ZKSCAN3: variants seen among roughly 807,000 people sequenced by gnomAD.
ZKSCAN3 encodes zinc finger with KRAB and SCAN domains 3.
In ZKSCAN3, 21 loss-of-function variants were observed where a neutral mutation model predicts 30.7. That is an observed-to-expected ratio of 0.68 (90% CI 0.49 to 0.99). ZKSCAN3 has a LOEUF of 0.99. Ranked by LOEUF, ZKSCAN3 falls within the 50% of genes least tolerant of loss-of-function variation. The pLI is 0.00. For missense variants in ZKSCAN3, 507 were observed against 647.1 expected (o/e 0.78, Z 2.35); for synonymous variants, 201 against 246.7 (o/e 0.81, Z 1.73).
Position 28,366,928 on chromosome 6 carries a change from T to TG in ZKSCAN3, c.*643_*644insG, listed in dbSNP as rs994446339. 2 of 152,270 alleles carry TG rather than the reference T, an allele frequency of 1.3e-5. No individual in the cohort carries two copies. Among genetic ancestry groups the TG allele is most frequent in the Non-Finnish European group, 2.9e-5 (2 of 68,096 alleles). The allele number at this position is 152,270 out of a possible 1,614,324, so 9.4% of individuals were successfully genotyped here. On this transcript the variant is annotated 3_prime_UTR_variant, in exon 6 of 6. Coordinates refer to ENST00000252211, the MANE Select transcript of ZKSCAN3 (RefSeq NM_024493.4). ...TACTGTGATTGAAAGAATCCATTTT[T>TG]TTTTTGGAGACGTAGTCTTGCTCTG...
At chr6:28,364,560 T>C (rs1039768094) in intron 5 of ZKSCAN3, among the ~76,000 whole-genome samples, 9 of 152,208 alleles carry the variant, frequency 5.9e-5, no homozygotes, top group African/African-American at 2.2e-4. Flanking sequence ...GAAGATTGCC[T>C]GATTGTCTGA....
chr6:28,352,634 T>G (rs1022285458), intron 1 of ZKSCAN3, among the ~76,000 whole-genome samples: 1 of 152,250 alleles, frequency 6.6e-6, no homozygotes, highest in Non-Finnish European at 1.5e-5. Context: ...TGAAAGCCTT[T>G]AATGTAATTT....
At position 28,366,402 on chromosome 6, in the gene ZKSCAN3, G is replaced by T; in HGVS notation, c.*117G>T. ...CTTTATTTACCACTACACATTATCA[G>T]GTGTTAGAAAATGTAGACTGGGTTA... is the stretch of plus-strand genomic sequence containing the variant. On this transcript the variant is annotated 3_prime_UTR_variant, in exon 6 of 6. Transcript: ENST00000252211. 3 of 1,168,794 alleles carry T rather than the reference G, an allele frequency of 2.6e-6. No individual in the cohort carries two copies. The highest frequency in any genetic ancestry group is 3.5e-6 in the Non-Finnish European group (3 of 867,106). 72.4% of individuals were successfully genotyped at this position (1,168,794 alleles called of 1,614,324 possible).
chr6:28,361,495 A>G (rs369440285), intron 3 of ZKSCAN3, 24 bp downstream of exon 3: 1 of 1,581,820 alleles, frequency 6.3e-7, no homozygotes, highest in Non-Finnish European at 8.6e-7. Context: ...TCTAGACAGT[A>G]TGAATTCTGC....
At chr6:28,364,116 T>C (rs1388311055) in intron 5 of ZKSCAN3, among the ~76,000 whole-genome samples, 1 of 152,182 alleles carries the variant, frequency 6.6e-6, no homozygotes, top group African/African-American at 2.4e-5. Flanking sequence ...ACTAAAGGCA[T>C]GTACCACCAC....
rs575865828 is a variant in ZKSCAN3 at position 28,351,398 on chromosome 6, G to A, written c.-63+1331G>A. On this transcript the variant is annotated intron_variant, in intron 1 of 5. Coordinates refer to ENST00000252211, the MANE Select transcript of ZKSCAN3 (RefSeq NM_024493.4). This position sits in a 1 kb window ranked among gnomAD's most constrained non-coding sequence, Gnocchi z 4.6. ...CTGGGTTGGGCTGTGGCTCTCTCTC[G>A]CCTTCCTTGACCCTACCTTAATGCT... Among the ~76,000 whole-genome samples, 23 of 152,170 alleles carry A rather than the reference G, an allele frequency of 1.5e-4. No homozygotes were observed. Among genetic ancestry groups the A allele is most frequent in the Non-Finnish European group, 3.2e-4 (22 of 68,012 alleles).
intron 5 of ZKSCAN3, among the ~76,000 whole-genome samples, chr6:28,365,079 G>A (rs975581901): frequency 5.3e-5 from 8 of 151,774 alleles, no homozygotes; most frequent in African/African-American, 1.7e-4. Flanking sequence ...CTAATCCTAG[G>A]TGCATGGCCC....
At chr6:28,363,212 A>C (rs563107305) in intron 3 of ZKSCAN3, 91 bp from the exon 4 acceptor site, 4 of 1,131,270 alleles carry the variant, frequency 3.5e-6, no homozygotes, top group South Asian at 1.4e-5. Flanking sequence ...TGAGACAGGA[A>C]TCTATTAATC....
intron 1 of ZKSCAN3, 44 bp from the exon 2 acceptor site, chr6:28,359,481 C>G (rs370038515): frequency 3.6e-5 from 51 of 1,412,720 alleles, no homozygotes; most frequent in East Asian, 2.6e-4. Context: ...AGAGAAGGGA[C>G]TACTTGCAAG....
intron 2 of ZKSCAN3, chr6:28,360,755 G>A: frequency 1.0e-6 from 1 of 985,436 alleles, no homozygotes; most frequent in South Asian, 4.7e-5. Flanking sequence ...GTCAGTGCGA[G>A]TCTCTTAGCT....
chr6:28,358,400 T>C (rs1202352530), intron 1 of ZKSCAN3, among the ~76,000 whole-genome samples: 1 of 152,242 alleles, frequency 6.6e-6, no homozygotes, highest in Admixed American at 6.5e-5. Context: ...CCAAATACAA[T>C]GTAAATGTTT....
At chr6:28,364,176 A>G (rs747919471) in intron 5 of ZKSCAN3, among the ~76,000 whole-genome samples, 3 of 152,090 alleles carry the variant, frequency 2.0e-5, no homozygotes, top group South Asian at 4.2e-4. Flanking sequence ...GAGTTTTGCT[A>G]TGTTGCCTAG....
intron 1 of ZKSCAN3, chr6:28,354,037 G>A (rs1252868945): frequency 1.6e-5 from 7 of 438,356 alleles, no homozygotes; most frequent in South Asian, 3.3e-5. Context: ...TGCCTCCTCC[G>A]ACCGCAGCCC....
Position 28,367,615 on chromosome 6 carries a change from T to G in ZKSCAN3, c.*1330T>G, listed in dbSNP as rs2113937446. On this transcript the variant is annotated 3_prime_UTR_variant, in exon 6 of 6. Transcript: ENST00000252211. ...AACCAATGCCTCCTAAAACAATAGATACTATCCTGCCCCACCCTACCACCC... is the reference window on the plus strand; with the variant it reads ...AACCAATGCCTCCTAAAACAATAGAGACTATCCTGCCCCACCCTACCACCC... 1 of 152,268 alleles carries G rather than the reference T, an allele frequency of 6.6e-6. No individual in the cohort carries two copies. Among genetic ancestry groups the G allele is most frequent in the South Asian group, 2.1e-4 (1 of 4,826 alleles). The allele number at this position is 152,268 out of a possible 1,614,324, so 9.4% of individuals were successfully genotyped here. A position where few individuals can be genotyped will look rare whatever the true frequency, so the allele number is the denominator to read the frequency against.
At chr6:28,364,141 T>C (rs534950095) in intron 5 of ZKSCAN3, among the ~76,000 whole-genome samples, 1 of 152,218 alleles carries the variant, frequency 6.6e-6, no homozygotes, top group African/African-American at 2.4e-5. Flanking sequence ...GGCTAATTTT[T>C]TAATTTTAAT....
chr6:28,351,022 C>T lies in ZKSCAN3; in HGVS notation c.-63+955C>T, dbSNP rs192597030. Among the ~76,000 whole-genome samples, 417 of 152,294 alleles carry T rather than the reference C, an allele frequency of 2.7e-3. 4 individuals carry two copies. Among genetic ancestry groups the T allele is most frequent in the Admixed American group, 0.016 (246 of 15,302 alleles). The stretch of plus-strand genomic sequence containing the variant: ...CAGTTTTCGAGCTTCCAGGAACGCC[C>T]TAGCCTGAAACTGGCTTCATACTAA... On this transcript the variant is annotated intron_variant, in intron 1 of 5. Coordinates refer to ENST00000252211, the MANE Select transcript of ZKSCAN3 (RefSeq NM_024493.4). This position sits in a 1 kb window ranked among gnomAD's most constrained non-coding sequence, Gnocchi z 4.6.
At chr6:28,362,847 T>C (rs1416110520) in intron 3 of ZKSCAN3, among the ~76,000 whole-genome samples, 1 of 152,226 alleles carries the variant, frequency 6.6e-6, no homozygotes, top group Non-Finnish European at 1.5e-5. Flanking sequence ...CCCTAACGGC[T>C]ACTAAGGACA....
At chr6:28,355,601 T>G (rs1228085014) in intron 1 of ZKSCAN3, 1 of 152,208 alleles carries the variant, frequency 6.6e-6, no homozygotes. Flanking sequence ...GAATAGCCTG[T>G]TTGGCTGCCA....
chr6:28,354,750 G>C (rs1053030160), intron 1 of ZKSCAN3, among the ~76,000 whole-genome samples: 3 of 152,222 alleles, frequency 2.0e-5, no homozygotes, highest in African/African-American at 7.2e-5. Context: ...GCAACAACAG[G>C]TTACTGTTTG....
Sources: gnomAD v4.1 joint callset for allele counts (sites outside exome capture counted in the v4.1 genomes callset) on GRCh38, gnomAD v4.1.1 for gene constraint, Gnocchi (gnomAD v3.1) non-coding constraint, MANE v1.5 for transcripts, NCBI Gene and HGNC (gene_info 2026-07-23, HGNC 2026-07-21) for gene names.